RNLS: variants seen among roughly 807,000 people sequenced by gnomAD.
RNLS encodes the protein renalase, FAD dependent amine oxidase.
RNLS carries 39 observed loss-of-function variants against 39.8 expected under a neutral mutation model. The ratio of observed to expected loss-of-function variants is 0.98; its 90% CI spans 0.76 to 1.28. RNLS has a LOEUF of 1.28. Ranked by LOEUF, RNLS falls within the 50% of genes most tolerant of loss-of-function variation. RNLS has a pLI of 0.00. For missense variants in RNLS, 410 were observed against 413.3 expected (o/e 0.99, Z 0.07); for synonymous variants, 147 against 150.7 (o/e 0.98, Z 0.18).
At chr10:88,288,176 G>T (rs1843410861) in intron 6 of RNLS, among the ~76,000 whole-genome samples, 1 of 152,086 alleles carries the variant, frequency 6.6e-6, no homozygotes, top group Non-Finnish European at 1.5e-5. Context: ...ATCAAATGCT[G>T]TATATGCACA....
chr10:88,403,347 GA>G (rs1300078956), intron 4 of RNLS, among the ~76,000 whole-genome samples: 5 of 151,992 alleles, frequency 3.3e-5, no homozygotes, highest in Non-Finnish European at 7.4e-5. Flanking sequence ...GCTATTTGAT[GA>G]TATTAATTTT....
intron 3 of RNLS, among the ~76,000 whole-genome samples, chr10:88,575,181 T>C (rs201891717): frequency 2.5e-4 from 18 of 73,168 alleles, no homozygotes; most frequent in South Asian, 4.8e-4. Context: ...CACACACACA[T>C]ATTATATATA....
chr10:88,398,819 C>A (rs1852729003), intron 4 of RNLS, among the ~76,000 whole-genome samples: 1 of 151,936 alleles, frequency 6.6e-6, no homozygotes, highest in Non-Finnish European at 1.5e-5. Flanking sequence ...CTTTGTGCTT[C>A]AGAGACTAGA....
the RNLS span, among the ~76,000 whole-genome samples, chr10:88,260,070 T>A: frequency 6.6e-6 from 1 of 152,180 alleles, no homozygotes; most frequent in Non-Finnish European, 1.5e-5. Flanking sequence ...AAAAAGAATT[T>A]GGTTTGGGCC....
intron 4 of RNLS, among the ~76,000 whole-genome samples, chr10:88,516,117 A>T (rs1203414160): frequency 1.3e-5 from 2 of 152,028 alleles, no homozygotes; most frequent in Non-Finnish European, 2.9e-5. Flanking sequence ...TTGATCTTGG[A>T]CTTCTAGCTC....
At chr10:88,476,445 C>A (rs1365743383) in intron 4 of RNLS, among the ~76,000 whole-genome samples, 1 of 152,172 alleles carries the variant, frequency 6.6e-6, no homozygotes, top group Non-Finnish European at 1.5e-5. Context: ...AGGAGCTATT[C>A]TTTTATCCAT....
At chr10:88,443,244 A>G (rs1411245013) in intron 4 of RNLS, among the ~76,000 whole-genome samples, 2 of 152,206 alleles carry the variant, frequency 1.3e-5, no homozygotes, top group Non-Finnish European at 2.9e-5. Flanking sequence ...CTGCGGCCAG[A>G]GTGAGTTTTC....
intron 4 of RNLS, among the ~76,000 whole-genome samples, chr10:88,494,719 G>A (rs1433367338): frequency 1.3e-5 from 2 of 152,098 alleles, no homozygotes; most frequent in East Asian, 3.9e-4. Flanking sequence ...TGGCCAACTT[G>A]TGGTACCAAT....
intron 4 of RNLS, among the ~76,000 whole-genome samples, chr10:88,370,174 G>A (rs1177600256): frequency 6.6e-6 from 1 of 152,108 alleles, no homozygotes; most frequent in Admixed American, 6.5e-5. Context: ...ATGGGCCCAG[G>A]AGTATGGTAA....
chr10:88,426,613 T>A (rs917130813), intron 4 of RNLS, among the ~76,000 whole-genome samples: 4 of 152,110 alleles, frequency 2.6e-5, no homozygotes, highest in Admixed American at 2.6e-4. Flanking sequence ...ACAGATCACA[T>A]ACTACTTGCC....
In RNLS at chr10:88,555,945, C is replaced by T. The variant is rs542897189; in HGVS notation, c.526+16958G>A. Among the ~76,000 whole-genome samples, 17 of 152,242 alleles carry T rather than the reference C, an allele frequency of 1.1e-4. No individual in the cohort carries two copies. In the South Asian group the frequency reaches 1.2e-3, roughly 11 times the overall value. On this transcript the variant is annotated intron_variant, in intron 4 of 6. Transcript: ENST00000331772. ...TTCCATGGCTTTAAATACTATTTCT[C>T]TACTGATGATTTTCAAATATATCTC...
intron 5 of RNLS, among the ~76,000 whole-genome samples, chr10:88,360,498 G>A (rs1045733684): frequency 6.6e-5 from 10 of 152,158 alleles, no homozygotes; most frequent in South Asian, 2.1e-4. Context: ...GCAGTGGCAC[G>A]ATCTTTGCTC....
chr10:88,262,333 T>C, the RNLS span, among the ~76,000 whole-genome samples: 1 of 152,218 alleles, frequency 6.6e-6, no homozygotes, highest in Non-Finnish European at 1.5e-5. Context: ...TCATTAGCTC[T>C]GTGAACTTTG....
chr10:88,326,819 G>A (rs1460411364), intron 5 of RNLS, among the ~76,000 whole-genome samples: 1 of 152,178 alleles, frequency 6.6e-6, no homozygotes, highest in Non-Finnish European at 1.5e-5. Flanking sequence ...GCTGGGAGGA[G>A]GGCTGTATCT....
At chr10:88,227,962 C>G in the RNLS span, among the ~76,000 whole-genome samples, 3,753 of 152,200 alleles carry the variant, frequency 0.025, 66 homozygotes, top group Non-Finnish European at 0.032. Context: ...CAACTTCCCT[C>G]TCCAACTAAA....
intron 4 of RNLS, among the ~76,000 whole-genome samples, chr10:88,474,205 G>GA (rs1374297216): frequency 7.3e-5 from 11 of 150,136 alleles, no homozygotes; most frequent in East Asian, 1.9e-4. Flanking sequence ...GAATTGAGCA[G>GA]AAAAAAAAAC....
chr10:88,360,810 T>C (rs144174980), intron 5 of RNLS, among the ~76,000 whole-genome samples: 357 of 152,300 alleles, frequency 2.3e-3, no homozygotes, highest in African/African-American at 8.2e-3. Context: ...CTGCCAGTCC[T>C]CTGAGGATGT....
At chr10:88,365,032 C>T (rs202213973) in intron 4 of RNLS, among the ~76,000 whole-genome samples, 3 of 152,064 alleles carry the variant, frequency 2.0e-5, no homozygotes, top group Non-Finnish European at 4.4e-5. Flanking sequence ...TCCCCACCCC[C>T]CTTTTTGCTA....
At chr10:88,223,478 G>C in the RNLS span, among the ~76,000 whole-genome samples, 2 of 152,182 alleles carry the variant, frequency 1.3e-5, no homozygotes, top group African/African-American at 4.8e-5. Flanking sequence ...ATAAAGGACA[G>C]TACTGGATTT....
Sources: gnomAD v4.1 joint callset for allele counts (sites outside exome capture counted in the v4.1 genomes callset) on GRCh38, gnomAD v4.1.1 for gene constraint, MANE v1.5 for transcripts, NCBI Gene and HGNC (gene_info 2026-07-23, HGNC 2026-07-21) for gene names.